KSR2: variants seen among roughly 807,000 people sequenced by gnomAD.
KSR2 encodes kinase suppressor of ras 2.
Under a neutral mutation model 107.8 loss-of-function variants are expected in KSR2, and 25 were observed. That is an observed-to-expected ratio of 0.23 (90% CI 0.17 to 0.32). The LOEUF is 0.32. Among genes scored for constraint, KSR2 ranks in the 10% least tolerant of loss-of-function variants. The pLI is 1.00. For synonymous variants in KSR2, 480 were observed against 507.0 expected (o/e 0.95, Z 0.71); for missense variants, 887 against 1,268.9 (o/e 0.70, Z 4.57).
intron 1 of KSR2, among the ~76,000 whole-genome samples, chr12:117,899,442 AT>A (rs1302759342): frequency 1.3e-5 from 2 of 152,206 alleles, no homozygotes; most frequent in Non-Finnish European, 2.9e-5. Context: ...ACAGTGAGCT[AT>A]GATCATGCCA....
chr12:117,670,610 T>C (rs562046), intron 4 of KSR2, among the ~76,000 whole-genome samples: 121,409 of 152,082 alleles, frequency 0.8, 50,005 homozygotes, highest in South Asian at 0.91. Context: ...AACTGAGCCC[T>C]AAATCTTCAC....
intron 9 of KSR2, among the ~76,000 whole-genome samples, chr12:117,553,153 T>C (rs1877429829): frequency 2.0e-5 from 3 of 152,366 alleles, no homozygotes; most frequent in African/African-American, 7.2e-5. Flanking sequence ...AAGCCCTGGC[T>C]GGCTGCCAGG....
intron 14 of KSR2, among the ~76,000 whole-genome samples, chr12:117,513,097 GTCC>G (rs528933987): frequency 1.1e-4 from 16 of 151,930 alleles, no homozygotes; most frequent in Admixed American, 2.6e-4. Flanking sequence ...CATTCTGTCT[GTCC>G]TCCCTCCATC....
At chr12:117,716,376 A>G (rs1361865030) in intron 4 of KSR2, among the ~76,000 whole-genome samples, 1 of 152,220 alleles carries the variant, frequency 6.6e-6, no homozygotes, top group African/African-American at 2.4e-5. Context: ...CACTGGCCAC[A>G]TGTGGCTAGA....
intron 5 of KSR2, among the ~76,000 whole-genome samples, chr12:117,649,535 A>G (rs1565943830): frequency 6.6e-6 from 1 of 152,194 alleles, no homozygotes; most frequent in Non-Finnish European, 1.5e-5. Context: ...CCCAATAATC[A>G]ATCCATGAGA....
intron 5 of KSR2, among the ~76,000 whole-genome samples, chr12:117,652,850 C>T (rs1883960676): frequency 6.6e-6 from 1 of 152,102 alleles, no homozygotes; most frequent in Non-Finnish European, 1.5e-5. Context: ...TACAGTGGGT[C>T]CAGTGGGTCT....
chr12:117,705,876 G>T (rs542146726), intron 4 of KSR2, among the ~76,000 whole-genome samples: 6 of 152,178 alleles, frequency 3.9e-5, no homozygotes, highest in African/African-American at 1.2e-4. Context: ...TGCATTCCCA[G>T]TATCGTCACT....
chr12:117,636,990 A>C (rs182323527), intron 5 of KSR2, among the ~76,000 whole-genome samples: 17 of 152,364 alleles, frequency 1.1e-4, no homozygotes, highest in African/African-American at 3.6e-4. Context: ...AAAAAATGGC[A>C]AATGACAGAG....
At chr12:117,618,050 G>GAATTC (rs1881978973) in intron 5 of KSR2, among the ~76,000 whole-genome samples, 1 of 152,062 alleles carries the variant, frequency 6.6e-6, no homozygotes, top group Non-Finnish European at 1.5e-5. Context: ...TAATATTTCT[G>GAATTC]GTAACTTTTT....
intron 1 of KSR2, 41 bp downstream of exon 1, chr12:117,968,035 T>G: frequency 2.6e-6 from 1 of 377,486 alleles, no homozygotes. Context: ...ATTGCTTTTT[T>G]TTTTTTTTTT....
At chr12:117,520,288 G>A (rs892866762) in intron 14 of KSR2, among the ~76,000 whole-genome samples, 2 of 152,122 alleles carry the variant, frequency 1.3e-5, no homozygotes, top group African/African-American at 4.8e-5. Context: ...ACCTCACCAC[G>A]CCTGGCCTGA....
rs189042366 is a variant in KSR2 at position 117,887,727 on chromosome 12, G to T, written c.181-27296C>A. ...CAAGGGCCCTGGTAGGGTTGAGATG[G>T]CTGTGGCATTTCCATGTGGGCATCA... On this transcript the variant is annotated intron_variant, in intron 1 of 19. Coordinates refer to ENST00000339824, the MANE Select transcript of KSR2 (RefSeq NM_173598.6). Among the ~76,000 whole-genome samples the T allele has an allele frequency of 3.7e-3, 563 of 152,264 alleles. 14 individuals are homozygous for T. The highest frequency in any genetic ancestry group is 7.8e-4 in the Non-Finnish European group (53 of 68,016).
Position 117,584,023 on chromosome 12 carries a change from C to T in KSR2, c.1172-1664G>A, listed in dbSNP as rs555007260. ...CCTCTATTCTGTCTAATGACACCGT[C>T]GGCAGCCGTCTGAAAGCTGTTTCCA... On this transcript the variant is annotated intron_variant, in intron 5 of 19. Transcript: ENST00000339824. Among the ~76,000 whole-genome samples the T allele has an allele frequency of 1.4e-4, 22 of 152,316 alleles. No homozygotes were observed. The East Asian group carries it at 3.9e-3, about 27-fold the overall frequency.
At position 117,771,856 on chromosome 12, in the gene KSR2, C is replaced by T. The variant is rs1308800614; in HGVS notation, c.473-10332G>A. The stretch of plus-strand genomic sequence containing the variant: ...TCCCCCAAAGACACACAAACACACA[C>T]TCACACATACCACTCCCCCAAAGAC... On this transcript the variant is annotated intron_variant, in intron 3 of 19. Coordinates refer to ENST00000339824, the MANE Select transcript of KSR2 (RefSeq NM_173598.6). Among the ~76,000 whole-genome samples, 5 of 152,072 alleles carry T rather than the reference C, an allele frequency of 3.3e-5. No individual in the cohort carries two copies. In the South Asian group the frequency reaches 1.0e-3, roughly 32 times the overall value.
At chr12:117,475,633 C>T (rs1272100392) in intron 17 of KSR2, among the ~76,000 whole-genome samples, 1 of 152,130 alleles carries the variant, frequency 6.6e-6, no homozygotes, top group East Asian at 1.9e-4. Flanking sequence ...TTGGATGTTT[C>T]CTTATCTGCC....
chr12:117,667,414 G>T lies in KSR2; in HGVS notation c.1171+60C>A. 6 of 1,488,090 alleles carry T rather than the reference G, an allele frequency of 4.0e-6. No homozygotes were observed. In the South Asian group the frequency reaches 6.0e-5, roughly 15 times the overall value. 92.2% of individuals were successfully genotyped at this position (1,488,090 alleles called of 1,614,324 possible). The stretch of plus-strand genomic sequence containing the variant: ...GCACCTGGCACAGAGGACAGCAGGT[G>T]CTGGGGAGAAGGAGGTGGCATGGCA... On this transcript the variant is annotated intron_variant, in intron 5 of 19. Transcript: ENST00000339824.
At chr12:117,928,732 G>A (rs887089407) in intron 1 of KSR2, among the ~76,000 whole-genome samples, 2 of 152,080 alleles carry the variant, frequency 1.3e-5, no homozygotes, top group South Asian at 4.1e-4. Context: ...TAATTTTTTT[G>A]AAGAACCTCC....
At chr12:117,468,226 T>C (rs1363308736) in intron 19 of KSR2, among the ~76,000 whole-genome samples, 1 of 152,250 alleles carries the variant, frequency 6.6e-6, no homozygotes, top group Non-Finnish European at 1.5e-5. Flanking sequence ...GTACCTGCTA[T>C]GTTGAGAGGC....
chr12:117,660,280 C>A (rs1277917194), intron 5 of KSR2, among the ~76,000 whole-genome samples: 1 of 152,162 alleles, frequency 6.6e-6, no homozygotes, highest in East Asian at 1.9e-4. Flanking sequence ...CAGGTTTATT[C>A]TCTCACTGTT....
Sources: gnomAD v4.1 joint callset for allele counts (sites outside exome capture counted in the v4.1 genomes callset) on GRCh38, gnomAD v4.1.1 for gene constraint, MANE v1.5 for transcripts, NCBI Gene and HGNC (gene_info 2026-07-23, HGNC 2026-07-21) for gene names.